SEC11A: variants seen among roughly 807,000 people sequenced by gnomAD.
The protein encoded by SEC11A is SEC11 homolog A, signal peptidase complex subunit.
Under a neutral mutation model 25.6 loss-of-function variants are expected in SEC11A, and 14 were observed. That is an observed-to-expected ratio of 0.55 (90% CI 0.36 to 0.85). The LOEUF is 0.85. SEC11A is among the 40% of genes least tolerant of loss of function. The probability of loss-of-function intolerance (pLI) is 0.01; values close to 1 mark genes in which losing one functional copy is unlikely to be tolerated. For missense variants in SEC11A, 153 were observed against 222.9 expected (o/e 0.69, Z 2.00); for synonymous variants, 83 against 76.4 (o/e 1.09, Z -0.45).
intron 1 of SEC11A, among the ~76,000 whole-genome samples, chr15:84,699,135 C>T (rs967240267): frequency 1.9e-4 from 29 of 151,906 alleles, no homozygotes; most frequent in African/African-American, 6.5e-4. Flanking sequence ...GCCAACATGG[C>T]GAAACCCCAT....
At chr15:84,692,859 G>C (rs936546184) in intron 1 of SEC11A, among the ~76,000 whole-genome samples, 4 of 152,152 alleles carry the variant, frequency 2.6e-5, no homozygotes, top group African/African-American at 9.7e-5. Flanking sequence ...TGAAAAAACA[G>C]AAGTTTCAAA....
chr15:84,682,614 A>AT (rs965239250), intron 3 of SEC11A, among the ~76,000 whole-genome samples: 19 of 151,190 alleles, frequency 1.3e-4, no homozygotes, highest in African/African-American at 4.1e-4. Flanking sequence ...ACACCCAGCT[A>AT]TTTTTTTTGT....
chr15:84,682,406 C>T (rs1197784532), intron 3 of SEC11A, among the ~76,000 whole-genome samples: 5 of 152,060 alleles, frequency 3.3e-5, no homozygotes, highest in African/African-American at 1.2e-4. Flanking sequence ...CTCAATTCTT[C>T]AGATATGCCA....
intron 3 of SEC11A, among the ~76,000 whole-genome samples, chr15:84,683,935 A>C (rs1312852825): frequency 6.6e-6 from 1 of 152,224 alleles, no homozygotes; most frequent in Non-Finnish European, 1.5e-5. Flanking sequence ...AGGACCAAAT[A>C]TTTAATATTA....
intron 2 of SEC11A, 75 bp from the exon 3 acceptor site, chr15:84,687,849 C>A: frequency 1.6e-6 from 2 of 1,284,418 alleles, no homozygotes; most frequent in Non-Finnish European, 2.1e-6. Flanking sequence ...AGATATTCAA[C>A]AAAATAAAAA....
chr15:84,703,263 C>T (rs1429267469), intron 1 of SEC11A, among the ~76,000 whole-genome samples: 1 of 152,116 alleles, frequency 6.6e-6, no homozygotes, highest in Non-Finnish European at 1.5e-5. Flanking sequence ...GATGCCTGGA[C>T]GCTGTCAGAT....
chr15:84,675,074 C>G (rs1897101014), intron 4 of SEC11A, among the ~76,000 whole-genome samples: 1 of 152,166 alleles, frequency 6.6e-6, no homozygotes, highest in Non-Finnish European at 1.5e-5. Flanking sequence ...ATGCTGCTAT[C>G]ATCAGTCATC....
chr15:84,702,021 C>T (rs918811863), intron 1 of SEC11A, among the ~76,000 whole-genome samples: 1 of 150,256 alleles, frequency 6.7e-6, no homozygotes, highest in Non-Finnish European at 1.5e-5. Flanking sequence ...GAACCGAGAT[C>T]GTGCCACTGC....
At chr15:84,683,420 C>CT (rs1310955210) in intron 3 of SEC11A, among the ~76,000 whole-genome samples, 32 of 150,262 alleles carry the variant, frequency 2.1e-4, no homozygotes, top group African/African-American at 7.1e-4. Context: ...AACAAACAAA[C>CT]AAACTAACTA....
At chr15:84,671,301 T>C (rs1167834598) in intron 4 of SEC11A, 1 of 152,238 alleles carries the variant, frequency 6.6e-6, no homozygotes, top group African/African-American at 2.4e-5. Flanking sequence ...CTTGAAACTT[T>C]TCTAGAACAG....
intron 4 of SEC11A, chr15:84,673,433 A>G: frequency 5.6e-6 from 1 of 177,012 alleles, no homozygotes; most frequent in South Asian, 1.3e-4. Context: ...GCCTTGGGAA[A>G]AAAAAAAAAA....
At chr15:84,715,695 C>T (rs574500883) in intron 1 of SEC11A, among the ~76,000 whole-genome samples, 1 of 152,302 alleles carries the variant, frequency 6.6e-6, no homozygotes, top group African/African-American at 2.4e-5. Flanking sequence ...ATCAAGAGTC[C>T]GCCGCCTTAA....
chr15:84,679,453 G>A (rs1269978807), intron 4 of SEC11A, among the ~76,000 whole-genome samples: 3 of 152,206 alleles, frequency 2.0e-5, no homozygotes, highest in African/African-American at 7.2e-5. Flanking sequence ...CTCTCGTGCT[G>A]TAACTGAGGA....
chr15:84,688,135 C>G (rs1411827175), intron 2 of SEC11A, among the ~76,000 whole-genome samples: 1 of 152,190 alleles, frequency 6.6e-6, no homozygotes, highest in East Asian at 1.9e-4. Flanking sequence ...ATTCTCACTT[C>G]ATCTGAAAAC....
chr15:84,694,031 T>G (rs1049556195), intron 1 of SEC11A, among the ~76,000 whole-genome samples: 1 of 152,116 alleles, frequency 6.6e-6, no homozygotes, highest in Non-Finnish European at 1.5e-5. Context: ...TTTTTCAATT[T>G]TTTCTGAAAA....
intron 3 of SEC11A, chr15:84,686,883 T>C (rs1567037364): frequency 1.3e-5 from 2 of 152,138 alleles, no homozygotes; most frequent in Non-Finnish European, 2.9e-5. Context: ...TTTATTTATT[T>C]ATTTTTTGAG....
At chr15:84,681,404 C>T (rs1375519996) in intron 3 of SEC11A, among the ~76,000 whole-genome samples, 8 of 151,936 alleles carry the variant, frequency 5.3e-5, no homozygotes, top group South Asian at 2.1e-4. Context: ...CCAAGGTGGG[C>T]GGATCACCTG....
At chr15:84,677,631 C>T (rs1485089326) in intron 4 of SEC11A, among the ~76,000 whole-genome samples, 1 of 151,914 alleles carries the variant, frequency 6.6e-6, no homozygotes, top group Non-Finnish European at 1.5e-5. Context: ...CGCCACCACG[C>T]CCAGCTAATT....
At chr15:84,707,226 G>A (rs1006691121) in intron 1 of SEC11A, among the ~76,000 whole-genome samples, 44 of 127,624 alleles carry the variant, frequency 3.4e-4, no homozygotes, top group African/African-American at 1.2e-3. Flanking sequence ...TTGCTCTGTC[G>A]CCAGCCTGGA....
Sources: gnomAD v4.1 joint callset for allele counts (sites outside exome capture counted in the v4.1 genomes callset) on GRCh38, gnomAD v4.1.1 for gene constraint, MANE v1.5 for transcripts, NCBI Gene and HGNC (gene_info 2026-07-23, HGNC 2026-07-21) for gene names.